FASTK: variants seen among roughly 807,000 people sequenced by gnomAD.
The protein encoded by FASTK is fas-activated serine/threonine kinase.
In FASTK, 28 loss-of-function variants were observed where a neutral mutation model predicts 60.0. The ratio of observed to expected loss-of-function variants is 0.47; its 90% CI spans 0.35 to 0.64. The LOEUF (loss-of-function observed/expected upper bound fraction) is 0.64. Ranked by LOEUF, FASTK falls within the 30% of genes least tolerant of loss-of-function variation. The pLI is 0.01. For synonymous variants in FASTK, 325 were observed against 307.9 expected (o/e 1.06, Z -0.58); for missense variants, 595 against 713.8 (o/e 0.83, Z 1.90).
intron 1 of FASTK, 192 bp from the exon 2 acceptor site, chr7:151,080,114 T>C: frequency 1.7e-6 from 1 of 594,872 alleles, no homozygotes; most frequent in Non-Finnish European, 3.0e-6. Context: ...TAATCCTCAG[T>C]GCGCTCAGCG....
At chr7:151,079,980 T>C (rs1322382164) in intron 1 of FASTK, 58 bp from the exon 2 acceptor site, 3 of 1,407,212 alleles carry the variant, frequency 2.1e-6, no homozygotes, top group Non-Finnish European at 1.9e-6. Flanking sequence ...AAAGACCTGC[T>C]ACCTACTGCT....
chr7:151,078,890 G>A lies in FASTK; in HGVS notation c.637C>T (p.Pro213Ser). 3.1e-6 allele frequency: 5 copies of A among 1,603,354 alleles called. No homozygotes were observed. The highest frequency in any genetic ancestry group is 4.2e-6 in the Non-Finnish European group (5 of 1,176,738). The change falls in exon 3 of 10, where the codon CCC (proline) becomes TCC (serine). Residue 213 changes from proline (P) to serine (S), a missense_variant. Physicochemically the swap from Pro to Ser is moderately conservative, Grantham distance 74 (BLOSUM62 -1). This residue lies in a region of FASTK where 471 missense variants were observed against 605.9 expected (regional missense o/e 0.78). Coordinates refer to ENST00000297532, the MANE Select transcript of FASTK (RefSeq NM_006712.5). ...GQGLEAALSC[P>S]RFLRYPRQHL... ...TGCCGTGGATACCGCAGAAAACGGG[G>A]GCAGCTTAGAGCAGCTTCCAACCCT...
At position 151,076,984 on chromosome 7, in the gene FASTK, C is replaced by T. The variant is rs200153094; in HGVS notation, c.1471G>A (p.Gly491Ser). 8 of 1,612,446 alleles carry T rather than the reference C, an allele frequency of 5.0e-6. No individual in the cohort carries two copies. The highest frequency in any genetic ancestry group is 2.2e-5 in the East Asian group (1 of 44,870). ...LRERWHFCRD[G>S]RVLLGSRALR... ...GCCCTCGAGCCCAGCAGCACCCGGC[C>T]GTCCCGGCAGAAATGCCAGCGTTCC... is the stretch of plus-strand genomic sequence containing the variant. Residue 491 changes from glycine (G) to serine (S), a missense_variant, in exon 9 of 10, where the codon GGC becomes AGC. Gly to Ser is a moderately conservative substitution (Grantham distance 56, BLOSUM62 0). Around this residue, in one of 2 missense-constraint regions of FASTK, gnomAD observed 471 missense variants for 605.9 expected, o/e 0.78. Coordinates refer to ENST00000297532, the MANE Select transcript of FASTK (RefSeq NM_006712.5).
chr7:151,077,069 T>G (rs761264423), intron 8 of FASTK, 32 bp downstream of exon 8: 5 of 1,607,494 alleles, frequency 3.1e-6, no homozygotes, highest in Non-Finnish European at 8.5e-7. Flanking sequence ...GCGGGCAAGG[T>G]GGCCAGGGCT....
At chr7:151,080,391 C>G (rs1250704415) in intron 1 of FASTK, 1 of 1,036,762 alleles carries the variant, frequency 9.6e-7, no homozygotes, top group East Asian at 3.6e-5. Flanking sequence ...AACGCGGGCT[C>G]CGCGGCTGGA....
rs200892799 is a variant in FASTK at position 151,079,958 on chromosome 7, T to C, written c.83-36A>G. ...GCCCAAAAAAGGGGGTGAGGTTTTC[T>C]CCAAAGGGGAGAAAGACCTGCTACC... is the stretch of plus-strand genomic sequence containing the variant. On this transcript the variant is annotated intron_variant, in intron 1 of 9. Transcript: ENST00000297532. 2.1e-4 allele frequency: 311 copies of C among 1,515,534 alleles called. 3 individuals are homozygous for C. The East Asian group carries it at 5.3e-3, about 26-fold the overall frequency. 93.9% of individuals were successfully genotyped at this position (1,515,534 alleles called of 1,614,324 possible).
At chr7:151,080,223 G>A (rs1013970011) in intron 1 of FASTK, 8 of 400,506 alleles carry the variant, frequency 2.0e-5, no homozygotes, top group African/African-American at 1.4e-4. Flanking sequence ...TTTCACCGGT[G>A]GAGAAACGCA....
chr7:151,080,425 G>T (rs1563387944), intron 1 of FASTK: 12 of 1,175,304 alleles, frequency 1.0e-5, no homozygotes, highest in Non-Finnish European at 1.3e-5. Context: ...CATGCTGGGC[G>T]CTCCCACTCA....
chr7:151,080,077 C>G (rs79828784), intron 1 of FASTK, 155 bp from the exon 2 acceptor site: 6 of 643,480 alleles, frequency 9.3e-6, no homozygotes, highest in Non-Finnish European at 1.6e-5. Context: ...CCCTCTGCCT[C>G]CTTCCACGCC....
In FASTK at chr7:151,079,044, A is replaced by T. The variant is rs757769806; in HGVS notation, c.506-23T>A. On this transcript the variant is annotated intron_variant, in intron 2 of 9. Coordinates refer to ENST00000297532, the MANE Select transcript of FASTK (RefSeq NM_006712.5). ...AGCCTGAGGGGGAGAGGTAAAAGGC[A>T]GCCTGGTAACAGAGCTGTGCTGCTG... 5 of 1,439,622 alleles carry T rather than the reference A, an allele frequency of 3.5e-6. 1 individual carries two copies. The South Asian group carries it at 7.7e-5, about 22-fold the overall frequency. 89.2% of individuals were successfully genotyped at this position (1,439,622 alleles called of 1,614,324 possible). A position where few individuals can be genotyped will look rare whatever the true frequency, so the allele number is the denominator to read the frequency against.
In FASTK at chr7:151,077,099, AC is replaced by A; in HGVS notation, c.1427+1del. The A allele has an allele frequency of 6.2e-7, 1 of 1,608,218 alleles. No homozygotes were observed. Among genetic ancestry groups the A allele is most frequent in the Non-Finnish European group, 8.5e-7 (1 of 1,176,244 alleles). ...AGGGCTCCCCCACCCTGCCTCCTTT[AC>A]CTCTGGGCAGGGTCTCGAGTAGTGG... On this transcript the variant is annotated splice_donor_variant, in intron 8 of 9. Transcript: ENST00000297532. LOFTEE classifies it high-confidence loss of function.
In FASTK at chr7:151,079,875, T is replaced by C. The variant is rs1163498626; in HGVS notation, c.130A>G (p.Thr44Ala). Residue 44 changes from threonine to alanine, a missense_variant, in exon 2 of 10, where the codon ACC (threonine) becomes GCC (alanine). Transcript: ENST00000297532. ...AGGCCAGACAGCCGAGCAGGGGAGG[T>C]CTGAGCAGAGAGCAGGACTCGAAGC... ...SMLRVLLSAQ[T>A]SPARLSGLLL... The C allele has an allele frequency of 6.2e-7, 1 of 1,603,072 alleles. No individual in the cohort carries two copies. Among genetic ancestry groups the C allele is most frequent in the Non-Finnish European group, 8.5e-7 (1 of 1,174,772 alleles).
chr7:151,077,198 G>A lies in FASTK; in HGVS notation c.1330C>T (p.Pro444Ser), dbSNP rs1221339566. 1 of 1,613,056 alleles carries A rather than the reference G, an allele frequency of 6.2e-7. No individual in the cohort carries two copies. ...LCASSSGAVL[P>S]VRTQDPFLPY... ...AGGAAGGGGTCCTGGGTCCTCACGG[G>A]AAGCACAGCACCAGAGCTGCTGGCG... Residue 444 changes from proline (P) to serine (S), a missense_variant, in exon 8 of 10, where the codon CCC becomes TCC. Around this residue, in one of 2 missense-constraint regions of FASTK, gnomAD observed 471 missense variants for 605.9 expected, o/e 0.78. Coordinates refer to ENST00000297532, the MANE Select transcript of FASTK (RefSeq NM_006712.5).
intron 1 of FASTK, 37 bp downstream of exon 1, chr7:151,080,648 G>A (rs2150389574): frequency 7.0e-7 from 1 of 1,424,648 alleles, no homozygotes; most frequent in Non-Finnish European, 9.1e-7. Flanking sequence ...AGCTCCCGCT[G>A]CCCTCCCGCA....
At chr7:151,077,452 T>A in intron 6 of FASTK, 51 bp from the exon 7 acceptor site, 1 of 1,579,328 alleles carries the variant, frequency 6.3e-7, no homozygotes, top group Non-Finnish European at 8.7e-7. Flanking sequence ...CTCATCCTAA[T>A]CTGTCCCAGT....
chr7:151,080,789 T>A lies in FASTK; in HGVS notation c.-23A>T. On this transcript the variant is annotated 5_prime_UTR_variant, in exon 1 of 10. The change abolishes an upstream ATG in the 5' untranslated region. Transcript: ENST00000297532. ...CATCGGCTAGCCACCGAGTCCGCCA[T>A]CTTCCCAGCAGCCCCTAGATAGCCG... 1 of 1,258,256 alleles carries A rather than the reference T, an allele frequency of 7.9e-7. No homozygotes were observed. The highest frequency in any genetic ancestry group is 2.6e-5 in the South Asian group (1 of 37,804). 77.9% of individuals were successfully genotyped at this position (1,258,256 alleles called of 1,614,324 possible).
chr7:151,079,465 A>G (rs748916565), intron 2 of FASTK, 35 bp downstream of exon 2: 8 of 1,540,116 alleles, frequency 5.2e-6, no homozygotes, highest in Non-Finnish European at 7.0e-6. Context: ...ATTAACACCT[A>G]GCCCCCCAGG....
In FASTK at chr7:151,079,565, A is replaced by G; in HGVS notation, c.440T>C (p.Ile147Thr). ...VTLQDLSQLI[I>T]RNCPSFDIHT... ...AATGTCAAAGGAGGGGCAGTTTCGGATGATGAGCTGACTCAAGTCCTGCAG... is the reference window on the plus strand; with the variant it reads ...AATGTCAAAGGAGGGGCAGTTTCGGGTGATGAGCTGACTCAAGTCCTGCAG... Residue 147 changes from isoleucine (I) to threonine (T), a missense_variant, in exon 2 of 10, where the codon ATC (isoleucine) becomes ACC (threonine). By Grantham distance (89) the Ile-to-Thr change is moderately conservative (BLOSUM62 -1). Coordinates refer to ENST00000297532, the MANE Select transcript of FASTK (RefSeq NM_006712.5). 2 of 1,613,798 alleles carry G rather than the reference A, an allele frequency of 1.2e-6. No homozygotes were observed. The highest frequency in any genetic ancestry group is 1.7e-4 in the Middle Eastern group (1 of 6,058).
rs777747992 is a variant in FASTK, at chr7:151,077,039, G to C, written c.1428-12C>G. 1.2e-6 allele frequency: 2 copies of C among 1,612,128 alleles called. No individual in the cohort carries two copies. Among genetic ancestry groups the C allele is most frequent in the Non-Finnish European group, 1.7e-6 (2 of 1,179,352 alleles). ...ACACCAGCACCACCCTGCAGGGGGA[G>C]GGACGTGGCTCAGGGCATGGCGGGC... On this transcript the variant is annotated splice_polypyrimidine_tract_variant and intron_variant, in intron 8 of 9. Coordinates refer to ENST00000297532, the MANE Select transcript of FASTK (RefSeq NM_006712.5).
Sources: allele counts gnomAD v4.1 joint callset, GRCh38; gene constraint gnomAD v4.1.1; regional missense constraint gnomAD v4.1.1; transcripts MANE v1.5; gene names NCBI Gene and HGNC (gene_info 2026-07-23, HGNC 2026-07-21).